The following MYCT1 variants were observed in gnomAD, a reference collection of about 807,000 sequenced individuals.
MYCT1 encodes the protein MYC target 1.
In MYCT1, 12 loss-of-function variants were observed where a neutral mutation model predicts 15.0. The ratio of observed to expected loss-of-function variants is 0.80; its 90% CI spans 0.51 to 1.29. MYCT1 has a LOEUF of 1.29. Among genes scored for constraint, MYCT1 ranks in the 50% most tolerant of loss-of-function variants. The pLI, the probability that MYCT1 is intolerant of heterozygous loss-of-function variation, is 0.00. For synonymous variants in MYCT1, 104 were observed against 102.7 expected (o/e 1.01, Z -0.07); for missense variants, 287 against 279.1 (o/e 1.03, Z -0.20).
Position 152,721,999 on chromosome 6 carries a change from C to T in MYCT1, c.454C>T (p.Gln152Ter). The T allele has an allele frequency of 1.2e-6, 2 of 1,614,188 alleles. No homozygotes were observed. The highest frequency in any genetic ancestry group is 1.6e-4 in the Middle Eastern group (1 of 6,062). Residue 152 changes from glutamine to a stop codon, truncating the protein, a stop_gained, in exon 2 of 2, where the codon CAA (glutamine) becomes TAA (stop). Coordinates refer to ENST00000367245, the MANE Select transcript of MYCT1 (RefSeq NM_025107.3). LOFTEE classifies it high-confidence loss of function. ...CTTCCAGCGACAAGCTTCCCTGGAACAAGCAAATTCCTTTCCAAGAAAATC... is the reference window on the plus strand; with the variant it reads ...CTTCCAGCGACAAGCTTCCCTGGAATAAGCAAATTCCTTTCCAAGAAAATC... The part of the protein sequence containing the change: ...LTFQRQASLE[Q>*]ANSFPRKSSF...
At chr6:152,737,581 G>T in the MYCT1 span, among the ~76,000 whole-genome samples, 1 of 152,070 alleles carries the variant, frequency 6.6e-6, no homozygotes, top group Non-Finnish European at 1.5e-5. Context: ...ATTTGCTTGT[G>T]AAGGAATGTT....
chr6:152,728,861 G>A (rs1046393081), downstream of MYCT1, among the ~76,000 whole-genome samples: 30 of 152,136 alleles, frequency 2.0e-4, no homozygotes, highest in East Asian at 5.8e-4. Flanking sequence ...AGCTGTGATC[G>A]TGCCACTGTA....
chr6:152,734,203 C>A, the MYCT1 span, among the ~76,000 whole-genome samples: 1 of 152,024 alleles, frequency 6.6e-6, no homozygotes, highest in African/African-American at 2.4e-5. Flanking sequence ...TCTTGTGAGA[C>A]CAGATTGTGG....
At chr6:152,727,435 G>C (rs1016758663), downstream of MYCT1, among the ~76,000 whole-genome samples, 1 of 152,152 alleles carries the variant, frequency 6.6e-6, no homozygotes, top group Admixed American at 6.5e-5. Context: ...CTTTGTTGTG[G>C]TAAAATTCTG....
intron 1 of MYCT1, among the ~76,000 whole-genome samples, chr6:152,702,467 A>C (rs1467284068): frequency 6.6e-6 from 1 of 152,192 alleles, no homozygotes; most frequent in East Asian, 1.9e-4. Context: ...TTGCTAACAG[A>C]CTTAATTCTC....
At chr6:152,707,462 C>T (rs1565391541) in intron 1 of MYCT1, among the ~76,000 whole-genome samples, 1 of 152,080 alleles carries the variant, frequency 6.6e-6, no homozygotes. Flanking sequence ...GGCGTCTCTT[C>T]TCTCTGTTGA....
chr6:152,716,641 A>G (rs942022884), intron 1 of MYCT1, among the ~76,000 whole-genome samples: 3 of 152,114 alleles, frequency 2.0e-5, no homozygotes, highest in African/African-American at 7.3e-5. Flanking sequence ...CAGGCCAAGA[A>G]GGGTCAAATG....
Position 152,723,646 on chromosome 6 carries a change from T to A in MYCT1, c.*1393T>A, listed in dbSNP as rs2099725108. On this transcript the variant is annotated 3_prime_UTR_variant, in exon 2 of 2. Coordinates refer to ENST00000367245, the MANE Select transcript of MYCT1 (RefSeq NM_025107.3). ...TGATTAAGCCATGCCAGATGGTCTT[T>A]GGTGCACACAGTTATTTAAGAATCC... 1 of 152,236 alleles carries A rather than the reference T, an allele frequency of 6.6e-6. No individual in the cohort carries two copies. Among genetic ancestry groups the A allele is most frequent in the Admixed American group, 6.5e-5 (1 of 15,282 alleles). The allele number at this position is 152,236 out of a possible 1,614,324, so 9.4% of individuals were successfully genotyped here. A position where few individuals can be genotyped will look rare whatever the true frequency, so the allele number is the denominator to read the frequency against.
At position 152,701,312 on chromosome 6, in the gene MYCT1, G is replaced by A. The variant is rs148108816; in HGVS notation, c.196+3214G>A. Among the ~76,000 whole-genome samples the A allele has an allele frequency of 4.9e-3, 740 of 152,282 alleles. 4 individuals carry two copies. The highest frequency in any genetic ancestry group is 9.1e-3 in the Non-Finnish European group (617 of 68,024). On this transcript the variant is annotated intron_variant, in intron 1 of 1. Transcript: ENST00000367245. ...ATTTCAAGAGGTTTGGGGAGCTCAG[G>A]AAAAATGTCACCAGCAAATATGCAG...
intron 1 of MYCT1, among the ~76,000 whole-genome samples, chr6:152,720,411 G>A (rs377090994): frequency 2.9e-4 from 44 of 152,158 alleles, no homozygotes; most frequent in African/African-American, 9.6e-4. Context: ...ACAGCAAAAC[G>A]TTTGTGGCTA....
the MYCT1 span, among the ~76,000 whole-genome samples, chr6:152,730,490 G>T: frequency 6.6e-6 from 1 of 152,144 alleles, no homozygotes; most frequent in African/African-American, 2.4e-5. Context: ...CCCTTGGCTT[G>T]CCCCTCAAAA....
At chr6:152,735,161 T>C in the MYCT1 span, among the ~76,000 whole-genome samples, 1 of 152,146 alleles carries the variant, frequency 6.6e-6, no homozygotes, top group African/African-American at 2.4e-5. Context: ...TATCATCCAG[T>C]TTTTTTGTAA....
chr6:152,744,167 C>T, the MYCT1 span, among the ~76,000 whole-genome samples: 1 of 152,106 alleles, frequency 6.6e-6, no homozygotes, highest in Non-Finnish European at 1.5e-5. Context: ...GGAGGGGACT[C>T]GAGGAGCATC....
chr6:152,737,920 C>T, the MYCT1 span, among the ~76,000 whole-genome samples: 1 of 152,066 alleles, frequency 6.6e-6, no homozygotes, highest in Non-Finnish European at 1.5e-5. Flanking sequence ...CTCTCAGTTT[C>T]TCCAGCCAGC....
At chr6:152,717,295 T>G (rs2099723851) in intron 1 of MYCT1, among the ~76,000 whole-genome samples, 1 of 152,206 alleles carries the variant, frequency 6.6e-6, no homozygotes, top group South Asian at 2.1e-4. Context: ...AGAAGATAGA[T>G]AAGTATTTTA....
intron 1 of MYCT1, among the ~76,000 whole-genome samples, chr6:152,703,749 G>A (rs893757363): frequency 6.6e-6 from 1 of 151,848 alleles, no homozygotes; most frequent in Non-Finnish European, 1.5e-5. Flanking sequence ...CATAATCACT[G>A]GCCCAAAAAG....
chr6:152,736,182 A>G, the MYCT1 span, among the ~76,000 whole-genome samples: 1 of 152,178 alleles, frequency 6.6e-6, no homozygotes, highest in African/African-American at 2.4e-5. Flanking sequence ...CACAGAGCTC[A>G]TAAGATAAAG....
intron 1 of MYCT1, among the ~76,000 whole-genome samples, chr6:152,718,210 T>C (rs2129070258): frequency 6.6e-6 from 1 of 152,282 alleles, no homozygotes; most frequent in South Asian, 2.1e-4. Context: ...GTTCCCAAAC[T>C]GAAACTTGTC....
chr6:152,700,986 T>A (rs1490339473), intron 1 of MYCT1, among the ~76,000 whole-genome samples: 2 of 152,144 alleles, frequency 1.3e-5, no homozygotes, highest in African/African-American at 2.4e-5. Context: ...CATATGCACA[T>A]ACAAACCTAT....
Sources: allele counts gnomAD v4.1 joint callset (sites outside exome capture counted in the v4.1 genomes callset), GRCh38; gene constraint gnomAD v4.1.1; transcripts MANE v1.5; gene names NCBI Gene and HGNC (gene_info 2026-07-23, HGNC 2026-07-21).